CNBD1: variants seen among roughly 807,000 people sequenced by gnomAD.
CNBD1 encodes the protein cyclic nucleotide-binding domain-containing protein 1.
CNBD1 carries 71 observed loss-of-function variants against 54.4 expected under a neutral mutation model. The ratio of observed to expected loss-of-function variants is 1.30; its 90% CI spans 1.08 to 1.59. The LOEUF (loss-of-function observed/expected upper bound fraction) is 1.59, where lower values mean the gene tolerates loss of function less well. Among genes scored for constraint, CNBD1 ranks in the 40% most tolerant of loss-of-function variants. CNBD1 has a pLI of 0.00. For synonymous variants in CNBD1, 182 were observed against 170.7 expected (o/e 1.07, Z -0.51); for missense variants, 659 against 518.0 (o/e 1.27, Z -2.64).
At chr8:86,887,685 G>GCAATGGTTTAT in intron 2 of CNBD1, 74 bp downstream of exon 2, 1 of 1,050,958 alleles carries the variant, frequency 9.5e-7, no homozygotes, top group Non-Finnish European at 1.4e-6. Flanking sequence ...ATAAAGTATA[G>GCAATGGTTTAT]TAATAAACCA....
intron 4 of CNBD1, among the ~76,000 whole-genome samples, chr8:86,996,883 T>C (rs1435775705): frequency 1.3e-5 from 2 of 152,224 alleles, no homozygotes; most frequent in African/African-American, 4.8e-5. Flanking sequence ...TGGTGTCTGG[T>C]GAGGACCAGC....
At chr8:86,906,809 G>C (rs1750380007) in intron 3 of CNBD1, among the ~76,000 whole-genome samples, 2 of 152,070 alleles carry the variant, frequency 1.3e-5, no homozygotes, top group South Asian at 4.1e-4. Context: ...CAACATACTT[G>C]GTAATGAAAT....
intron 4 of CNBD1, among the ~76,000 whole-genome samples, chr8:87,167,720 T>G (rs1812994772): frequency 6.6e-6 from 1 of 151,964 alleles, no homozygotes; most frequent in African/African-American, 2.4e-5. Flanking sequence ...ATATAATTTT[T>G]ATTAAGAGGT....
chr8:86,920,621 A>G (rs900608068), intron 3 of CNBD1, among the ~76,000 whole-genome samples: 5 of 152,158 alleles, frequency 3.3e-5, no homozygotes, highest in Non-Finnish European at 5.9e-5. Context: ...GACCCAAGGA[A>G]GTCTGTTGGG....
At chr8:86,956,683 T>C (rs1159502597) in intron 4 of CNBD1, among the ~76,000 whole-genome samples, 1 of 152,366 alleles carries the variant, frequency 6.6e-6, no homozygotes, top group East Asian at 1.9e-4. Flanking sequence ...TGATTTGGTA[T>C]CCTGAGACTT....
chr8:87,026,410 A>G (rs928672686), intron 4 of CNBD1, among the ~76,000 whole-genome samples: 7 of 151,420 alleles, frequency 4.6e-5, no homozygotes, highest in African/African-American at 2.4e-5. Context: ...CTAAGAATAC[A>G]AAGAACCCCT....
At chr8:87,208,259 G>A (rs1814019501) in intron 5 of CNBD1, among the ~76,000 whole-genome samples, 1 of 152,028 alleles carries the variant, frequency 6.6e-6, no homozygotes, top group South Asian at 2.1e-4. Context: ...TATTCACTAA[G>A]CCTCTTGATC....
rs1554637046 is a variant in CNBD1 at position 86,989,304 on chromosome 8, A to AATAAATAC, written c.431+49553_431+49554insAATACATA. On this transcript the variant is annotated intron_variant, in intron 4 of 10. Coordinates refer to ENST00000518476, the MANE Select transcript of CNBD1 (RefSeq NM_173538.3). ...GCAAGACAGCATCTCAAAACAAATA[A>AATAAATAC]ATACATACATACATACATACATACA... 2.1e-3 allele frequency among the ~76,000 whole-genome samples: 316 copies of AATAAATAC among 149,262 alleles called. 1 individual carries two copies. The highest frequency in any genetic ancestry group is 4.6e-3 in the African/African-American group (185 of 40,352).
intron 4 of CNBD1, among the ~76,000 whole-genome samples, chr8:86,949,851 G>C (rs1168182629): frequency 1.0e-4 from 15 of 149,776 alleles, no homozygotes; most frequent in African/African-American, 3.7e-4. Flanking sequence ...GCATGGGTCT[G>C]TCATATATAG....
intron 2 of CNBD1, among the ~76,000 whole-genome samples, chr8:87,387,972 C>T (rs1261393658): frequency 6.6e-5 from 10 of 152,140 alleles, no homozygotes; most frequent in African/African-American, 2.2e-4. Context: ...CGCTCAACTA[C>T]ATGGAAACTG....
chr8:87,165,482 A>G (rs1170791180), intron 4 of CNBD1, among the ~76,000 whole-genome samples: 1 of 151,984 alleles, frequency 6.6e-6, no homozygotes, highest in East Asian at 1.9e-4. Flanking sequence ...CAATGGATCG[A>G]CACTTTTGTT....
intron 4 of CNBD1, among the ~76,000 whole-genome samples, chr8:87,063,722 T>C (rs1322753825): frequency 6.6e-6 from 1 of 152,054 alleles, no homozygotes; most frequent in Admixed American, 6.6e-5. Flanking sequence ...ATTTTCAGTA[T>C]TGAGTCTTCC....
At chr8:87,188,805 C>T (rs1246481197) in intron 4 of CNBD1, among the ~76,000 whole-genome samples, 3 of 139,084 alleles carry the variant, frequency 2.2e-5, no homozygotes, top group Admixed American at 7.6e-5. Context: ...AAGGAATGAA[C>T]AGACAGTAAA....
intron 5 of CNBD1, among the ~76,000 whole-genome samples, chr8:87,223,474 G>A (rs1270038630): frequency 2.0e-5 from 3 of 147,504 alleles, no homozygotes; most frequent in South Asian, 2.1e-4. Context: ...TCCCACCTAT[G>A]AGTGAGAATA....
intron 4 of CNBD1, among the ~76,000 whole-genome samples, chr8:87,032,243 G>A (rs543395388): frequency 1.2e-4 from 19 of 152,214 alleles, no homozygotes; most frequent in African/African-American, 4.1e-4. Flanking sequence ...GGGTAGGGGC[G>A]TTGACCACCT....
At chr8:86,947,509 G>C (rs1187671451) in intron 4 of CNBD1, among the ~76,000 whole-genome samples, 2 of 152,072 alleles carry the variant, frequency 1.3e-5, no homozygotes, top group African/African-American at 4.8e-5. Context: ...TGAAATCTAC[G>C]TTGGACAAAA....
chr8:87,097,786 T>A (rs1398292727), intron 4 of CNBD1, among the ~76,000 whole-genome samples: 2 of 152,200 alleles, frequency 1.3e-5, no homozygotes, highest in African/African-American at 4.8e-5. Context: ...TTTTTCAGAT[T>A]CCTGCAGTAA....
intron 10 of CNBD1, among the ~76,000 whole-genome samples, chr8:87,381,549 G>A (rs1811075065): frequency 6.6e-6 from 1 of 151,740 alleles, no homozygotes; most frequent in South Asian, 2.1e-4. Flanking sequence ...ATTTAAATTG[G>A]GATCTCAAAG....
intron 1 of CNBD1, among the ~76,000 whole-genome samples, chr8:86,876,585 C>T (rs73266089): frequency 0.023 from 3,459 of 151,354 alleles, 134 homozygotes; most frequent in African/African-American, 0.077. Context: ...TTCTCCTTTC[C>T]ATTTTTCTTA....
Sources: gnomAD v4.1 joint callset for allele counts (sites outside exome capture counted in the v4.1 genomes callset) on GRCh38, gnomAD v4.1.1 for gene constraint, MANE v1.5 for transcripts, NCBI Gene and HGNC (gene_info 2026-07-23, HGNC 2026-07-21) for gene names.